Variants in SMAP1 observed in about 807,000 individuals in gnomAD.
SMAP1 encodes small ArfGAP 1.
Under a neutral mutation model 58.5 loss-of-function variants are expected in SMAP1, and 24 were observed. That is an observed-to-expected ratio of 0.41 (90% CI 0.30 to 0.58). The LOEUF (loss-of-function observed/expected upper bound fraction) is 0.58. Ranked by LOEUF, SMAP1 falls within the 20% of genes least tolerant of loss-of-function variation. The pLI, the probability that SMAP1 is intolerant of heterozygous loss-of-function variation, is 0.29. For missense variants in SMAP1, 563 were observed against 566.3 expected (o/e 0.99, Z 0.06); for synonymous variants, 216 against 196.6 (o/e 1.10, Z -0.82).
intron 8 of SMAP1, among the ~76,000 whole-genome samples, chr6:70,856,188 G>A (rs1771414174): frequency 6.6e-6 from 1 of 152,120 alleles, no homozygotes; most frequent in Non-Finnish European, 1.5e-5. Flanking sequence ...AGTTGTGATT[G>A]TATAATAGTG....
intron 1 of SMAP1, among the ~76,000 whole-genome samples, chr6:70,677,432 CTTTTTTTTTTTTTTTTTTTT>C (rs58133069): frequency 1.7e-5 from 1 of 60,376 alleles, no homozygotes; most frequent in Admixed American, 2.4e-4. Context: ...CTTGTCACTT[CTTTTTTTTTTTTTTTTTTTT>C]TTTTTTTTGA....
At chr6:70,831,317 T>A (rs934643064) in intron 6 of SMAP1, among the ~76,000 whole-genome samples, 1 of 152,150 alleles carries the variant, frequency 6.6e-6, no homozygotes, top group Non-Finnish European at 1.5e-5. Flanking sequence ...GTTTTAGTTA[T>A]GTAGGTAAAT....
intron 1 of SMAP1, among the ~76,000 whole-genome samples, chr6:70,676,757 C>G (rs1055404684): frequency 6.6e-6 from 1 of 152,118 alleles, no homozygotes; most frequent in Non-Finnish European, 1.5e-5. Context: ...ATTTTTGTCT[C>G]ATCACTAAAG....
chr6:70,788,083 A>T (rs572205624), intron 4 of SMAP1, among the ~76,000 whole-genome samples: 85 of 152,202 alleles, frequency 5.6e-4, no homozygotes, highest in African/African-American at 2.0e-3. Context: ...GGATTAAGAA[A>T]ATGTGGCGCA....
intron 1 of SMAP1, among the ~76,000 whole-genome samples, chr6:70,677,608 C>T (rs942403448): frequency 2.6e-4 from 39 of 151,450 alleles, no homozygotes; most frequent in East Asian, 5.8e-4. Flanking sequence ...TTAGTAGAGA[C>T]GGGGTTTCGC....
intron 1 of SMAP1, among the ~76,000 whole-genome samples, chr6:70,726,917 A>G (rs918251905): frequency 6.7e-6 from 1 of 149,548 alleles, no homozygotes; most frequent in Non-Finnish European, 1.5e-5. Context: ...GTGTGTGTAG[A>G]AATTTAAATT....
intron 3 of SMAP1, among the ~76,000 whole-genome samples, chr6:70,760,779 T>G (rs1374391895): frequency 6.6e-6 from 1 of 152,132 alleles, no homozygotes; most frequent in Non-Finnish European, 1.5e-5. Flanking sequence ...CCTCATTGCA[T>G]TCTTAACAAG....
intron 1 of SMAP1, among the ~76,000 whole-genome samples, chr6:70,701,299 C>T (rs765371719): frequency 6.6e-6 from 1 of 152,114 alleles, no homozygotes; most frequent in Non-Finnish European, 1.5e-5. Context: ...CCAAGCTTGT[C>T]TCGAACTCCT....
chr6:70,730,109 G>A (rs1047054325), intron 1 of SMAP1, among the ~76,000 whole-genome samples: 3 of 151,896 alleles, frequency 2.0e-5, no homozygotes, highest in Admixed American at 6.6e-5. Flanking sequence ...GAGTGCGGTG[G>A]TACCACCATA....
chr6:70,697,226 A>C (rs1084387), intron 1 of SMAP1, among the ~76,000 whole-genome samples: 69,806 of 151,606 alleles, frequency 0.46, 16,332 homozygotes, highest in South Asian at 0.5. Flanking sequence ...ATTTATATTC[A>C]ATGTTATTGA....
chr6:70,768,334 C>T (rs1240013166), intron 3 of SMAP1, among the ~76,000 whole-genome samples: 2 of 152,120 alleles, frequency 1.3e-5, no homozygotes, highest in Non-Finnish European at 2.9e-5. Context: ...GGTGCCAGTT[C>T]CTCCTTGTAC....
At chr6:70,694,423 C>G (rs1767314231) in intron 1 of SMAP1, 1 of 154,996 alleles carries the variant, frequency 6.5e-6, no homozygotes. Context: ...TAAGCCATAT[C>G]CTGATGTACT....
In SMAP1 at chr6:70,823,188, A is replaced by G. The variant is rs1026287398; in HGVS notation, c.577-13753A>G. The stretch of plus-strand genomic sequence containing the variant: ...GTTTTTTACCTTTTAGTATGTTTGT[A>G]ATGTTTTAATGAAAGCTAGACATGA... On this transcript the variant is annotated intron_variant, in intron 6 of 10. Transcript: ENST00000370455. Among the ~76,000 whole-genome samples, 20 of 152,262 alleles carry G rather than the reference A, an allele frequency of 1.3e-4. 1 individual carries two copies. The highest frequency in any genetic ancestry group is 1.1e-3 in the Admixed American group (17 of 15,282).
intron 1 of SMAP1, among the ~76,000 whole-genome samples, chr6:70,676,107 G>A (rs1222985856): frequency 6.6e-6 from 1 of 152,176 alleles, no homozygotes; most frequent in Non-Finnish European, 1.5e-5. Flanking sequence ...CTGGAAGGGA[G>A]CACCCGGACG....
chr6:70,734,830 G>C (rs1765562167), intron 2 of SMAP1: 1 of 153,494 alleles, frequency 6.5e-6, no homozygotes, highest in Admixed American at 6.5e-5. Flanking sequence ...TGGACAGTTT[G>C]GACCAAGTAG....
At chr6:70,748,667 A>T (rs1001663480) in intron 2 of SMAP1, among the ~76,000 whole-genome samples, 3 of 152,058 alleles carry the variant, frequency 2.0e-5, no homozygotes, top group Admixed American at 2.0e-4. Context: ...ATAGTATTTT[A>T]CTTAGAAACA....
intron 4 of SMAP1, among the ~76,000 whole-genome samples, chr6:70,778,182 A>G (rs1297950106): frequency 6.6e-6 from 1 of 152,222 alleles, no homozygotes; most frequent in African/African-American, 2.4e-5. Context: ...AAAATGGGAT[A>G]TCTACCCCCT....
intron 7 of SMAP1, among the ~76,000 whole-genome samples, chr6:70,848,642 C>T (rs914339248): frequency 4.0e-4 from 61 of 152,284 alleles, no homozygotes; most frequent in African/African-American, 1.3e-3. Flanking sequence ...AGATGCCCTT[C>T]TCATCTTGCA....
At chr6:70,850,968 C>A (rs1771161259) in intron 7 of SMAP1, among the ~76,000 whole-genome samples, 1 of 152,000 alleles carries the variant, frequency 6.6e-6, no homozygotes, top group African/African-American at 2.4e-5. Context: ...AGTCTTAATT[C>A]TTTGATAGTT....
Sources: allele counts gnomAD v4.1 joint callset (sites outside exome capture counted in the v4.1 genomes callset), GRCh38; gene constraint gnomAD v4.1.1; transcripts MANE v1.5; gene names NCBI Gene and HGNC (gene_info 2026-07-23, HGNC 2026-07-21).